TOP1: variants seen among roughly 807,000 people sequenced by gnomAD.
TOP1 encodes the protein DNA topoisomerase 1.
A neutral mutation model predicts 111.1 loss-of-function variants in TOP1; 10 were observed. That is an observed-to-expected ratio of 0.09 (90% CI 0.06 to 0.15). TOP1 has a LOEUF of 0.15. Ranked by LOEUF, TOP1 falls within the 10% of genes least tolerant of loss-of-function variation. The probability of loss-of-function intolerance (pLI) is 1.00; values close to 1 mark genes in which losing one functional copy is unlikely to be tolerated. For missense variants in TOP1, 474 were observed against 926.7 expected (o/e 0.51, Z 6.34); for synonymous variants, 271 against 302.9 (o/e 0.89, Z 1.10).
At chr20:41,076,502 A>G (rs925128640) in intron 4 of TOP1, among the ~76,000 whole-genome samples, 9 of 152,218 alleles carry the variant, frequency 5.9e-5, no homozygotes, top group African/African-American at 2.2e-4. Flanking sequence ...TGTCCATATC[A>G]TTACCTTTTT....
chr20:41,099,928 T>C, intron 11 of TOP1, 128 bp from the exon 12 acceptor site: 1 of 616,356 alleles, frequency 1.6e-6, no homozygotes. Context: ...TTTCCTTTAT[T>C]TGAATTTATT....
rs2034087875 is a variant in TOP1 at position 41,102,971 on chromosome 20, A to T, written c.1308+1618A>T. Among the ~76,000 whole-genome samples, 1 of 147,682 alleles carries T rather than the reference A, an allele frequency of 6.8e-6. No homozygotes were observed. The highest frequency in any genetic ancestry group is 2.1e-4 in the South Asian group (1 of 4,748). ...GGGTCTTAAAAGTAGTATTTCAAACAAGAGAGAACTGTGTCGTGGACAAAG... is the reference window on the plus strand; with the variant it reads ...GGGTCTTAAAAGTAGTATTTCAAACTAGAGAGAACTGTGTCGTGGACAAAG... On this transcript the variant is annotated intron_variant, in intron 13 of 20. Transcript: ENST00000361337. This position sits in a 1 kb window ranked among gnomAD's most constrained non-coding sequence, Gnocchi z 4.0.
At chr20:41,088,665 AT>A (rs1391506172) in intron 8 of TOP1, among the ~76,000 whole-genome samples, 1 of 151,878 alleles carries the variant, frequency 6.6e-6, no homozygotes, top group African/African-American at 2.4e-5. Flanking sequence ...ATATATATAT[AT>A]TTTCTCTATT....
At chr20:41,075,000 A>G (rs1267044594) in intron 3 of TOP1, among the ~76,000 whole-genome samples, 2 of 152,150 alleles carry the variant, frequency 1.3e-5, no homozygotes, top group African/African-American at 4.8e-5. Context: ...ACACTTTCCA[A>G]ATGTGTTTGT....
rs1026062655 is a variant in TOP1 at position 41,071,198 on chromosome 20, C to G, written c.156-4973C>G. On this transcript the variant is annotated intron_variant, in intron 3 of 20. Transcript: ENST00000361337. The surrounding 1 kb of genome is among the most constrained non-coding windows in gnomAD (Gnocchi z 4.3). ...TTCCCTACTGGCTCCCTACTTCCACCGTTTCTCCCACTCTTCTATATAAGT... is the reference window on the plus strand; with the variant it reads ...TTCCCTACTGGCTCCCTACTTCCACGGTTTCTCCCACTCTTCTATATAAGT... Among the ~76,000 whole-genome samples, 1 of 152,102 alleles carries G rather than the reference C, an allele frequency of 6.6e-6. No homozygotes were observed. The highest frequency in any genetic ancestry group is 1.5e-5 in the Non-Finnish European group (1 of 68,016).
At chr20:41,105,908 A>G (rs2034138262) in intron 13 of TOP1, among the ~76,000 whole-genome samples, 1 of 152,232 alleles carries the variant, frequency 6.6e-6, no homozygotes, top group Admixed American at 6.5e-5. Context: ...TGTTTTATAC[A>G]TTAGATATTT....
Position 41,118,510 on chromosome 20 carries a change from A to C in TOP1, c.1950+214A>C, listed in dbSNP as rs1039015864. ...TATTCAAGAAATCTTTATTCTACGC[A>C]TAGAAGTTCTATACTGGCCACTCCC... On this transcript the variant is annotated intron_variant, in intron 18 of 20. Transcript: ENST00000361337. The surrounding 1 kb of genome is among the most constrained non-coding windows in gnomAD (Gnocchi z 4.6). Among the ~76,000 whole-genome samples the C allele has an allele frequency of 1.4e-4, 22 of 152,258 alleles. No homozygotes were observed. Among genetic ancestry groups the C allele is most frequent in the African/African-American group, 5.1e-4 (21 of 41,476 alleles).
intron 3 of TOP1, among the ~76,000 whole-genome samples, chr20:41,070,729 C>T (rs1433290760): frequency 3.3e-5 from 5 of 152,194 alleles, no homozygotes; most frequent in African/African-American, 1.2e-4. Flanking sequence ...GGTAGCTGGG[C>T]TGTTAGTGGC....
chr20:41,054,849 C>G (rs1303410786), intron 2 of TOP1, among the ~76,000 whole-genome samples: 1 of 151,976 alleles, frequency 6.6e-6, no homozygotes. Context: ...CTTTTTTTTA[C>G]ACATTAGCCC....
At position 41,100,267 on chromosome 20, in the gene TOP1, G is replaced by C; in HGVS notation, c.1163+24G>C. On this transcript the variant is annotated intron_variant, in intron 12 of 20. Coordinates refer to ENST00000361337, the MANE Select transcript of TOP1 (RefSeq NM_003286.4). This position sits in a 1 kb window ranked among gnomAD's most constrained non-coding sequence, Gnocchi z 4.4. ...AAGTGAGCTCGCACTTCATCCTATG[G>C]GCCAAAAAGGGGGTGGAGGGCGTCC... 1 of 1,590,530 alleles carries C rather than the reference G, an allele frequency of 6.3e-7. No homozygotes were observed. Among genetic ancestry groups the C allele is most frequent in the Non-Finnish European group, 8.6e-7 (1 of 1,165,906 alleles).
chr20:41,091,492 A>C (rs1464943786), intron 8 of TOP1, among the ~76,000 whole-genome samples: 1 of 152,070 alleles, frequency 6.6e-6, no homozygotes, highest in Non-Finnish European at 1.5e-5. Flanking sequence ...TGAAGTATCA[A>C]ATCTGCAACC....
intron 8 of TOP1, among the ~76,000 whole-genome samples, chr20:41,089,404 A>G (rs540435441): frequency 2.6e-5 from 4 of 152,312 alleles, no homozygotes; most frequent in African/African-American, 9.6e-5. Flanking sequence ...TTGTATTAAT[A>G]GTCATACAGT....
Position 41,097,244 on chromosome 20 carries a change from A to G in TOP1, c.755A>G (p.Lys252Arg). The change falls in exon 10 of 21, where the codon AAA becomes AGA. Residue 252 changes from lysine to arginine, a missense_variant. Coordinates refer to ENST00000361337, the MANE Select transcript of TOP1 (RefSeq NM_003286.4). The surrounding 1 kb of genome is among the most constrained non-coding windows in gnomAD (Gnocchi z 4.2). ...GGTAAAGTCATGAAGCTGAGCCCCA[A>G]AGCAGAGGAAGTAGCTACGTTCTTT... Reference protein sequence around the residue: ...YDGKVMKLSPKAEEVATFFAK... With the variant: ...YDGKVMKLSPRAEEVATFFAK... The G allele has an allele frequency of 6.2e-7, 1 of 1,614,072 alleles. No individual in the cohort carries two copies. The highest frequency in any genetic ancestry group is 8.5e-7 in the Non-Finnish European group (1 of 1,180,012).
intron 2 of TOP1, among the ~76,000 whole-genome samples, chr20:41,052,684 T>C (rs8117097): frequency 0.021 from 3,121 of 152,232 alleles, 55 homozygotes; most frequent in Middle Eastern, 0.095. Context: ...AGTATATCTA[T>C]AACTTTTTTA....
At position 41,101,035 on chromosome 20, in the gene TOP1, G is replaced by T. The variant is rs374632156; in HGVS notation, c.1164-174G>T. On this transcript the variant is annotated intron_variant, in intron 12 of 20. Coordinates refer to ENST00000361337, the MANE Select transcript of TOP1 (RefSeq NM_003286.4). The surrounding 1 kb of genome is among the most constrained non-coding windows in gnomAD (Gnocchi z 4.1). ...CTGGAATTTTGTATTGAATATTTTC[G>T]GATGACAGTTGGCTGAGGGTAAGTA... The T allele has an allele frequency of 3.4e-6, 2 of 593,790 alleles. No individual in the cohort carries two copies. The highest frequency in any genetic ancestry group is 1.8e-5 in the African/African-American group (1 of 54,074). 36.8% of individuals were successfully genotyped at this position (593,790 alleles called of 1,614,324 possible). A position where few individuals can be genotyped will look rare whatever the true frequency, so the allele number is the denominator to read the frequency against.
intron 3 of TOP1, among the ~76,000 whole-genome samples, chr20:41,075,254 C>T (rs2033712839): frequency 6.6e-6 from 1 of 152,202 alleles, no homozygotes; most frequent in South Asian, 2.1e-4. Flanking sequence ...TCACTGCAAG[C>T]TCCGCCTCCT....
Position 41,097,430 on chromosome 20 carries a change from A to G in TOP1, c.852+89A>G. ...TTATCATTTTGCAAAACATTTCCTG[A>G]TGTAAAATTTGAGTTGTATGGATTT... On this transcript the variant is annotated intron_variant, in intron 10 of 20. Transcript: ENST00000361337. This position sits in a 1 kb window ranked among gnomAD's most constrained non-coding sequence, Gnocchi z 4.2. 1 of 1,345,320 alleles carries G rather than the reference A, an allele frequency of 7.4e-7. No individual in the cohort carries two copies. Among genetic ancestry groups the G allele is most frequent in the Non-Finnish European group, 1.0e-6 (1 of 993,816 alleles). The allele number at this position is 1,345,320 out of a possible 1,614,324, so 83.3% of individuals were successfully genotyped here. A position where few individuals can be genotyped will look rare whatever the true frequency, so the allele number is the denominator to read the frequency against.
intron 9 of TOP1, among the ~76,000 whole-genome samples, chr20:41,093,512 A>T: frequency 7.0e-6 from 1 of 143,402 alleles, no homozygotes; most frequent in East Asian, 2.0e-4. Flanking sequence ...TTCCTCTTCC[A>T]CCTCCACTTG....
At chr20:41,038,751 C>T (rs945004257) in intron 2 of TOP1, among the ~76,000 whole-genome samples, 4 of 151,970 alleles carry the variant, frequency 2.6e-5, no homozygotes, top group Non-Finnish European at 5.9e-5. Context: ...TTTGGGAGGC[C>T]GAGATGGGCA....
Sources: allele counts gnomAD v4.1 joint callset (sites outside exome capture counted in the v4.1 genomes callset), GRCh38; gene constraint gnomAD v4.1.1; non-coding constraint Gnocchi (gnomAD v3.1); transcripts MANE v1.5; gene names NCBI Gene and HGNC (gene_info 2026-07-23, HGNC 2026-07-21).